ADAMTS7: variants seen among roughly 807,000 people sequenced by gnomAD.
The protein encoded by ADAMTS7 is A disintegrin and metalloproteinase with thrombospondin motifs 7.
In ADAMTS7, 89 loss-of-function variants were observed where a neutral mutation model predicts 172.6. That is an observed-to-expected ratio of 0.52 (90% confidence interval 0.43 to 0.61). The LOEUF is 0.61. Among genes scored for constraint, ADAMTS7 ranks in the 20% least tolerant of loss-of-function variants. ADAMTS7 has a pLI of 0.00. For missense variants in ADAMTS7, 1,973 were observed against 2,355.6 expected, an observed-to-expected ratio of 0.84 and a Z score of 3.36; for synonymous variants, 885 against 978.4, an observed-to-expected ratio of 0.90 and a Z score of 1.78.
At chr15:78,790,254 G>A (rs920273378) in intron 6 of ADAMTS7, among the ~76,000 whole-genome samples, 2 of 152,128 alleles carry the variant, frequency 1.3e-5, no homozygotes, top group African/African-American at 4.8e-5. Context: ...GTGGGGGTGG[G>A]TAGGTGAACC....
In ADAMTS7 at chr15:78,800,386, CGCGGTATTGTAGCTCGTAGAAG is replaced by C; in HGVS notation, c.240_261del (p.Phe81GlyfsTer8). The C allele has an allele frequency of 6.2e-7, 1 of 1,607,270 alleles. No individual in the cohort carries two copies. Among genetic ancestry groups the C allele is most frequent in the Non-Finnish European group, 8.5e-7 (1 of 1,177,408 alleles). ...GTCAGGTTGAAGCGCAGCTCGCGCCCGCGGTATTGTAGCTCGTAGAAGGCGGGCGCGTCTCGGCGCACAGATA... is the reference window on the plus strand; with the variant it reads ...GTCAGGTTGAAGCGCAGCTCGCGCCCGCGGGCGCGTCTCGGCGCACAGATA... On this transcript the variant is annotated frameshift_variant, in exon 2 of 24. Transcript: ENST00000388820. LOFTEE classifies it high-confidence loss of function.
chr15:78,792,385 T>A (rs2055592406), intron 4 of ADAMTS7, among the ~76,000 whole-genome samples: 1 of 152,224 alleles, frequency 6.6e-6, no homozygotes, highest in Non-Finnish European at 1.5e-5. Flanking sequence ...TGAGGTCTCC[T>A]ACGAGTGTCC....
chr15:78,761,881 G>A (rs2055049374), intron 23 of ADAMTS7: 1 of 985,300 alleles, frequency 1.0e-6, no homozygotes, highest in Non-Finnish European at 1.2e-6. Flanking sequence ...ACAGGACCCT[G>A]GAAGGGAGGC....
chr15:78,790,562 A>C (rs2055564428), intron 6 of ADAMTS7, 108 bp downstream of exon 6: 5 of 1,484,110 alleles, frequency 3.4e-6, no homozygotes, highest in Non-Finnish European at 4.5e-6. Context: ...ACTCTCCTCA[A>C]AATTGGGCTC....
chr15:78,809,804 A>T (rs2055841272), intron 1 of ADAMTS7, among the ~76,000 whole-genome samples: 1 of 152,164 alleles, frequency 6.6e-6, no homozygotes, highest in South Asian at 2.1e-4. Flanking sequence ...CCAACCCCAC[A>T]GGTCGCTCTA....
chr15:78,807,767 T>C (rs2055815254), intron 1 of ADAMTS7, among the ~76,000 whole-genome samples: 1 of 152,246 alleles, frequency 6.6e-6, no homozygotes, highest in South Asian at 2.1e-4. Context: ...TTCTAAAGTA[T>C]ATTTAGCTTT....
chr15:78,793,535 C>CT (rs917403210), intron 4 of ADAMTS7, among the ~76,000 whole-genome samples: 2 of 152,030 alleles, frequency 1.3e-5, no homozygotes, highest in Non-Finnish European at 2.9e-5. Context: ...GCCCGTTTTA[C>CT]TTTTTTTAAC....
rs759462468 is a variant in ADAMTS7, at chr15:78,759,431, G to A, written c.5051C>T (p.Ala1684Val). The stretch of plus-strand genomic sequence containing the variant: ...TGCATCCTGGCGCAGTCAGCGGCGG[G>A]CAACCCGCTGATGGCCTCGGGAGGG... ...GAPSRGHQRV[A>V]RR The change falls in exon 24 of 24, where the codon GCC (alanine) becomes GTC (valine). Residue 1684 changes from alanine (A) to valine (V), a missense_variant. This residue lies in a region of ADAMTS7 where 94 missense variants were observed against 95.4 expected (regional missense o/e 0.99). Coordinates refer to ENST00000388820, the MANE Select transcript of ADAMTS7 (RefSeq NM_014272.5). 2.1e-5 allele frequency: 33 copies of A among 1,593,494 alleles called. No individual in the cohort carries two copies. The East Asian group carries it at 7.2e-4, about 35-fold the overall frequency.
intron 1 of ADAMTS7, among the ~76,000 whole-genome samples, chr15:78,809,061 G>T (rs190784628): frequency 6.6e-6 from 1 of 152,240 alleles, no homozygotes; most frequent in East Asian, 1.9e-4. Context: ...AGGGTGGGGG[G>T]TAGTATGTGA....
chr15:78,776,655 C>G, intron 10 of ADAMTS7, 94 bp downstream of exon 10: 1 of 1,291,532 alleles, frequency 7.7e-7, no homozygotes, highest in Non-Finnish European at 1.1e-6. Context: ...GGAGCACAAG[C>G]AAGACTGTGA....
In ADAMTS7 at chr15:78,762,494, G is replaced by C; in HGVS notation, c.4812C>G (p.Pro1604=). 1 of 1,589,096 alleles carries C rather than the reference G, an allele frequency of 6.3e-7. No individual in the cohort carries two copies. The highest frequency in any genetic ancestry group is 2.4e-5 in the East Asian group (1 of 42,468). ...GGCCACACTGGTCACTGTCTTCCTCGGGCAGCCCTGTCTGGGTGTTGACAC... is the reference window on the plus strand; with the variant it reads ...GGCCACACTGGTCACTGTCTTCCTCCGGCAGCCCTGTCTGGGTGTTGACAC... ...VKCVNTQTGL[P]EEDSDQCGHE... is the part of the protein sequence containing the mutation. The change falls in exon 23 of 24, where the codon CCC becomes CCG. Residue 1604 remains proline, a synonymous_variant. Coordinates refer to ENST00000388820, the MANE Select transcript of ADAMTS7 (RefSeq NM_014272.5).
At chr15:78,788,038 CCT>C (rs1684613513) in intron 8 of ADAMTS7, among the ~76,000 whole-genome samples, 191 bp downstream of exon 8, 2 of 152,142 alleles carry the variant, frequency 1.3e-5, no homozygotes, top group Non-Finnish European at 2.9e-5. Flanking sequence ...GCCAGGTGCC[CCT>C]CTGTTTCCCT....
In ADAMTS7 at chr15:78,767,043, C is replaced by T. The variant is rs761147561; in HGVS notation, c.2868G>A (p.Val956=). The T allele has an allele frequency of 6.5e-7, 1 of 1,549,956 alleles. No individual in the cohort carries two copies. Among genetic ancestry groups the T allele is most frequent in the South Asian group, 1.3e-5 (1 of 79,240 alleles). Residue 956 remains valine (V), a synonymous_variant, in exon 19 of 24, where the codon GTG becomes GTA. Transcript: ENST00000388820. Reference sequence around the variant, plus strand: ...GGCGCTGAGTGCCCTCCCCACATGTCACTGAGCACTGCAGGGGAAGCCAGG... The same window carrying T: ...GGCGCTGAGTGCCCTCCCCACATGTTACTGAGCACTGCAGGGGAAGCCAGG... ...WAVGNWSQCS[V]TCGEGTQRRN... is the part of the protein sequence containing the mutation.
At chr15:78,772,992 C>A (rs1289294959) in intron 14 of ADAMTS7, 91 bp downstream of exon 14, 15 of 1,443,808 alleles carry the variant, frequency 1.0e-5, no homozygotes, top group Non-Finnish European at 1.4e-5. Context: ...TGGGTGGGGG[C>A]CACGAGGCCA....
In ADAMTS7 at chr15:78,768,137, C is replaced by A. The variant is rs749798085; in HGVS notation, c.2641G>T (p.Ala881Ser). ...QRKCSEQPCP[A>S]RWWAGEWQLC... ...GGGGGATGGGGGCGGGCTCACCTGGCAGGGCAGGGCTGCTCGCTGCACTTC... is the reference window on the plus strand; with the variant it reads ...GGGGGATGGGGGCGGGCTCACCTGGAAGGGCAGGGCTGCTCGCTGCACTTC... The change falls in exon 17 of 24, where the codon GCC becomes TCC. Residue 881 changes from alanine (A) to serine (S), a missense_variant. Coordinates refer to ENST00000388820, the MANE Select transcript of ADAMTS7 (RefSeq NM_014272.5). The A allele has an allele frequency of 4.7e-6, 7 of 1,501,034 alleles. No individual in the cohort carries two copies. The highest frequency in any genetic ancestry group is 2.4e-4 in the Middle Eastern group (1 of 4,194). The allele number at this position is 1,501,034 out of a possible 1,614,324, so 93.0% of individuals were successfully genotyped here. A position where few individuals can be genotyped will look rare whatever the true frequency, so the allele number is the denominator to read the frequency against.
chr15:78,768,632 G>T (rs2055198881), intron 16 of ADAMTS7, among the ~76,000 whole-genome samples: 1 of 152,216 alleles, frequency 6.6e-6, no homozygotes, highest in South Asian at 2.1e-4. Context: ...TCCATGTCCT[G>T]GAGGGAGGAC....
At chr15:78,794,844 A>C (rs2055623535) in intron 4 of ADAMTS7, among the ~76,000 whole-genome samples, 1 of 152,166 alleles carries the variant, frequency 6.6e-6, no homozygotes, top group Non-Finnish European at 1.5e-5. Flanking sequence ...CAGACTCCCA[A>C]GTGGCTAGGA....
intron 6 of ADAMTS7, 51 bp from the exon 7 acceptor site, chr15:78,789,889 C>T (rs769462212): frequency 2.6e-6 from 4 of 1,538,114 alleles, no homozygotes; most frequent in African/African-American, 2.7e-5. Flanking sequence ...AGTGCCAGGC[C>T]CACCTGAGCT....
chr15:78,763,903 C>T (rs750853487), intron 21 of ADAMTS7, 23 bp downstream of exon 21: 235 of 1,559,740 alleles, frequency 1.5e-4, no homozygotes, highest in Non-Finnish European at 1.9e-4. Context: ...TCCCCTCCCC[C>T]CAACTCAACG....
Sources: gnomAD v4.1 joint callset for allele counts (sites outside exome capture counted in the v4.1 genomes callset) on GRCh38, gnomAD v4.1.1 for gene constraint, gnomAD v4.1.1 regional missense constraint, MANE v1.5 for transcripts, NCBI Gene and HGNC (gene_info 2026-07-23, HGNC 2026-07-21) for gene names.